The following CAMK1D variants were observed in gnomAD, a reference collection of about 807,000 sequenced individuals.
CAMK1D encodes the protein calcium/calmodulin-dependent protein kinase type 1D.
A neutral mutation model predicts 47.7 loss-of-function variants in CAMK1D; 9 were observed. That is an observed-to-expected ratio of 0.19 (90% CI 0.11 to 0.33). The LOEUF (loss-of-function observed/expected upper bound fraction) is 0.33, where lower values mean the gene tolerates loss of function less well. CAMK1D is among the 10% of genes least tolerant of loss of function. The probability of loss-of-function intolerance (pLI) is 1.00; values close to 1 mark genes in which losing one functional copy is unlikely to be tolerated. For synonymous variants in CAMK1D, 184 were observed against 184.9 expected (o/e 0.99, Z 0.04); for missense variants, 291 against 488.7 (o/e 0.60, Z 3.81).
At chr10:12,646,819 T>C (rs1287396110) in intron 2 of CAMK1D, among the ~76,000 whole-genome samples, 2 of 152,116 alleles carry the variant, frequency 1.3e-5, no homozygotes, top group African/African-American at 4.8e-5. Flanking sequence ...TGTTGCAGTC[T>C]TTTATTTATT....
At chr10:12,740,702 T>C (rs919805898) in intron 3 of CAMK1D, among the ~76,000 whole-genome samples, 2 of 152,194 alleles carry the variant, frequency 1.3e-5, no homozygotes, top group African/African-American at 4.8e-5. Flanking sequence ...CACAAATAGC[T>C]GAGCCGAGGC....
At chr10:12,352,694 C>G (rs1040136083) in intron 1 of CAMK1D, among the ~76,000 whole-genome samples, 8 of 151,546 alleles carry the variant, frequency 5.3e-5, no homozygotes, top group African/African-American at 1.9e-4. Flanking sequence ...AACTTGGAAG[C>G]ATTTCAGAGC....
At chr10:12,366,669 A>AT (rs59553482) in intron 1 of CAMK1D, among the ~76,000 whole-genome samples, 2 of 151,568 alleles carry the variant, frequency 1.3e-5, no homozygotes. Flanking sequence ...AAAAAAAAAA[A>AT]GAAGAGTCAA....
At chr10:12,387,919 G>A (rs1588430989) in intron 1 of CAMK1D, among the ~76,000 whole-genome samples, 1 of 152,236 alleles carries the variant, frequency 6.6e-6, no homozygotes, top group South Asian at 2.1e-4. Flanking sequence ...GCCCCTGCTG[G>A]CGCCCCACCA....
At chr10:12,678,840 G>A (rs1366578918) in intron 3 of CAMK1D, among the ~76,000 whole-genome samples, 2 of 151,950 alleles carry the variant, frequency 1.3e-5, no homozygotes, top group Non-Finnish European at 2.9e-5. Flanking sequence ...TTGGCTTGCT[G>A]CAACCTCCGC....
At chr10:12,611,105 G>C (rs1838606227) in intron 2 of CAMK1D, among the ~76,000 whole-genome samples, 1 of 152,200 alleles carries the variant, frequency 6.6e-6, no homozygotes, top group African/African-American at 2.4e-5. Context: ...TCACATAAGA[G>C]AGTGTCAGAA....
chr10:12,547,604 A>G (rs963133965), intron 1 of CAMK1D, among the ~76,000 whole-genome samples: 1 of 144,880 alleles, frequency 6.9e-6, no homozygotes, highest in Non-Finnish European at 1.5e-5. Flanking sequence ...TTTTCAGATC[A>G]TTTTCCTTGC....
intron 6 of CAMK1D, among the ~76,000 whole-genome samples, chr10:12,810,874 G>A (rs1489832299): frequency 5.3e-5 from 8 of 152,222 alleles, no homozygotes; most frequent in East Asian, 3.8e-4. Context: ...TGCAAGGACC[G>A]TATACGAAAA....
At chr10:12,648,746 C>CA (rs1372072847) in intron 2 of CAMK1D, among the ~76,000 whole-genome samples, 4 of 152,172 alleles carry the variant, frequency 2.6e-5, no homozygotes, top group Admixed American at 2.0e-4. Flanking sequence ...GCTGGGATTA[C>CA]AGGTGTGAGC....
intron 3 of CAMK1D, among the ~76,000 whole-genome samples, chr10:12,683,171 C>T (rs1169047351): frequency 6.6e-6 from 1 of 151,266 alleles, no homozygotes; most frequent in Non-Finnish European, 1.5e-5. Flanking sequence ...ACCACAACCT[C>T]CGCCTCCCCA....
At chr10:12,735,716 G>A (rs779051838) in intron 3 of CAMK1D, among the ~76,000 whole-genome samples, 3 of 152,018 alleles carry the variant, frequency 2.0e-5, no homozygotes, top group South Asian at 2.1e-4. Context: ...ACAGTAGGCC[G>A]AGATACAGAG....
At chr10:12,674,428 G>A (rs534447521) in intron 3 of CAMK1D, among the ~76,000 whole-genome samples, 18 of 152,214 alleles carry the variant, frequency 1.2e-4, no homozygotes, top group Middle Eastern at 3.4e-3. Flanking sequence ...AAACAGCATC[G>A]TGGGCACTGA....
chr10:12,602,811 A>C (rs973304280), intron 2 of CAMK1D, among the ~76,000 whole-genome samples: 1 of 151,982 alleles, frequency 6.6e-6, no homozygotes, highest in Non-Finnish European at 1.5e-5. Context: ...GGGAAGGGGA[A>C]GTTGAGGACG....
intron 3 of CAMK1D, among the ~76,000 whole-genome samples, chr10:12,725,787 C>T (rs1226065054): frequency 6.6e-6 from 1 of 152,100 alleles, no homozygotes; most frequent in East Asian, 1.9e-4. Context: ...GCTGGAGTCT[C>T]ACTCTGTTGC....
At chr10:12,522,644 A>C (rs2132195799) in intron 1 of CAMK1D, among the ~76,000 whole-genome samples, 1 of 151,304 alleles carries the variant, frequency 6.6e-6, no homozygotes, top group African/African-American at 2.4e-5. Context: ...TATTTTCCCC[A>C]CCTTTCCCCC....
chr10:12,429,928 C>T (rs369743029), intron 1 of CAMK1D, among the ~76,000 whole-genome samples: 2 of 152,232 alleles, frequency 1.3e-5, no homozygotes, highest in Admixed American at 1.3e-4. Context: ...GGCTGGGTAA[C>T]TGCAGTTCTT....
chr10:12,751,567 C>G (rs1267525252), intron 3 of CAMK1D, among the ~76,000 whole-genome samples: 3 of 152,136 alleles, frequency 2.0e-5, no homozygotes, highest in African/African-American at 4.8e-5. Flanking sequence ...GGAGGAGGAG[C>G]CTGACCCAGC....
rs1840498597 is a variant in CAMK1D at position 12,668,347 on chromosome 10, A to G, written c.299+1537A>G. ...TTAAATGTGTGTTTTTTCATTGGTA[A>G]TGCAAAAACTACTAATCCTCAATCT... On this transcript the variant is annotated intron_variant, in intron 3 of 10. Transcript: ENST00000619168. 2.6e-5 allele frequency among the ~76,000 whole-genome samples: 4 copies of G among 152,230 alleles called. No homozygotes were observed. In the South Asian group the frequency reaches 8.3e-4, roughly 31 times the overall value.
intron 3 of CAMK1D, among the ~76,000 whole-genome samples, chr10:12,684,395 A>G (rs1226758552): frequency 2.0e-5 from 3 of 152,120 alleles, no homozygotes; most frequent in Non-Finnish European, 4.4e-5. Flanking sequence ...CACAACCAGG[A>G]TATTTTCTGC....
Sources: allele counts gnomAD v4.1 joint callset (sites outside exome capture counted in the v4.1 genomes callset), GRCh38; gene constraint gnomAD v4.1.1; transcripts MANE v1.5; gene names NCBI Gene and HGNC (gene_info 2026-07-23, HGNC 2026-07-21).